SANBR: variants seen among roughly 807,000 people sequenced by gnomAD.
SANBR encodes SANT and BTB domain regulator of class switch recombination.
SANBR carries 77 observed loss-of-function variants against 101.8 expected under a neutral mutation model. The observed-to-expected ratio is 0.76, with a 90% CI of 0.63 to 0.91. SANBR has a LOEUF of 0.91. Among genes scored for constraint, SANBR ranks in the 40% least tolerant of loss-of-function variants. SANBR has a pLI of 0.00. For synonymous variants in SANBR, 279 were observed against 274.7 expected, an observed-to-expected ratio of 1.02 and a Z score of -0.15; for missense variants, 875 against 853.0, an observed-to-expected ratio of 1.03 and a Z score of -0.32.
chr2:61,092,390 A>G, intron 10 of SANBR, 74 bp from the exon 11 acceptor site: 3 of 1,171,790 alleles, frequency 2.6e-6, no homozygotes, highest in Non-Finnish European at 3.4e-6. Context: ...ATCTCAAAGA[A>G]GATAATAATT....
chr2:61,111,286 G>A (rs987149089), intron 16 of SANBR, among the ~76,000 whole-genome samples: 8 of 152,002 alleles, frequency 5.3e-5, no homozygotes, highest in African/African-American at 1.5e-4. Flanking sequence ...CCAGCTACTC[G>A]GGAGGCTGAG....
At chr2:61,101,740 T>C (rs1007355898) in intron 12 of SANBR, among the ~76,000 whole-genome samples, 5 of 144,504 alleles carry the variant, frequency 3.5e-5, no homozygotes, top group Admixed American at 6.9e-5. Flanking sequence ...AAAAAAAAAA[T>C]TGTATATATT....
At chr2:61,088,113 T>C in intron 8 of SANBR, 46 bp from the exon 9 acceptor site, 1 of 1,038,364 alleles carries the variant, frequency 9.6e-7, no homozygotes, top group Non-Finnish European at 1.5e-6. Context: ...TTCATCACTA[T>C]AAAGTAGTGT....
Position 61,073,457 on chromosome 2 carries a change from G to C in SANBR, c.338-1G>C, listed in dbSNP as rs770371750. ...TGTATGTGTTTGTTTCTGTATTTAAGGAAGACATAGTATAGCTTCCACAAG... is the reference window on the plus strand; with the variant it reads ...TGTATGTGTTTGTTTCTGTATTTAACGAAGACATAGTATAGCTTCCACAAG... On this transcript the variant is annotated splice_acceptor_variant, in intron 4 of 21. Transcript: ENST00000402291. LOFTEE classifies it high-confidence loss of function. 2 of 1,469,634 alleles carry C rather than the reference G, an allele frequency of 1.4e-6. No homozygotes were observed. Among genetic ancestry groups the C allele is most frequent in the Non-Finnish European group, 1.9e-6 (2 of 1,072,316 alleles). 91.0% of individuals were successfully genotyped at this position (1,469,634 alleles called of 1,614,324 possible). A position where few individuals can be genotyped will look rare whatever the true frequency, so the allele number is the denominator to read the frequency against.
intron 6 of SANBR, among the ~76,000 whole-genome samples, chr2:61,077,773 T>C (rs539304353): frequency 6.6e-6 from 1 of 152,348 alleles, no homozygotes; most frequent in East Asian, 1.9e-4. Context: ...CTTGTGCGAT[T>C]ATTTTCAGTC....
At chr2:61,096,039 G>A (rs1024046924) in intron 11 of SANBR, among the ~76,000 whole-genome samples, 2 of 152,024 alleles carry the variant, frequency 1.3e-5, no homozygotes, top group African/African-American at 4.8e-5. Flanking sequence ...GACATCTGGG[G>A]TCTTTCTCCA....
chr2:61,088,110 C>A, intron 8 of SANBR, 49 bp from the exon 9 acceptor site: 1 of 1,015,634 alleles, frequency 9.8e-7, no homozygotes. Context: ...ATTTTCATCA[C>A]TATAAAGTAG....
At position 61,083,207 on chromosome 2, in the gene SANBR, C is replaced by G. The variant is rs879318449; in HGVS notation, c.783C>G (p.Thr261=). 4.3e-6 allele frequency: 7 copies of G among 1,611,318 alleles called. No individual in the cohort carries two copies. Among genetic ancestry groups the G allele is most frequent in the Non-Finnish European group, 5.9e-6 (7 of 1,177,792 alleles). The part of the protein sequence containing the change: ...CHKNMNAIVA[T]PCNMNCINAN... ...AAAATATGAATGCCATAGTAGCTACCCCATGCAACATGAACTGTATTAATG... is the reference window on the plus strand; with the variant it reads ...AAAATATGAATGCCATAGTAGCTACGCCATGCAACATGAACTGTATTAATG... The change falls in exon 8 of 22, where the codon ACC becomes ACG. Residue 261 remains threonine, a synonymous_variant. Coordinates refer to ENST00000402291, the MANE Select transcript of SANBR (RefSeq NM_001129993.3).
intron 10 of SANBR, chr2:61,089,382 T>C (rs191160620): frequency 0.012 from 1,815 of 157,600 alleles, 13 homozygotes; most frequent in Non-Finnish European, 0.017. Flanking sequence ...GGTGGGTGCC[T>C]GTAGTCTCAG....
chr2:61,067,702 C>T (rs926550784), intron 1 of SANBR, among the ~76,000 whole-genome samples: 1 of 152,162 alleles, frequency 6.6e-6, no homozygotes, highest in African/African-American at 2.4e-5. Context: ...CGCCACTGCA[C>T]TCTGGCCTGA....
intron 10 of SANBR, among the ~76,000 whole-genome samples, chr2:61,091,021 G>C (rs920162944): frequency 6.7e-6 from 1 of 149,516 alleles, no homozygotes; most frequent in Non-Finnish European, 1.5e-5. Context: ...CAGTTCTTCT[G>C]CCTCAGACTC....
intron 12 of SANBR, among the ~76,000 whole-genome samples, chr2:61,103,264 G>C (rs981647206): frequency 6.6e-6 from 1 of 151,486 alleles, no homozygotes; most frequent in African/African-American, 2.4e-5. Flanking sequence ...AGCTTCCTGA[G>C]GTAGCTGGGA....
intron 21 of SANBR, among the ~76,000 whole-genome samples, chr2:61,136,698 G>A (rs538862380): frequency 1.3e-5 from 2 of 151,266 alleles, no homozygotes; most frequent in Non-Finnish European, 2.9e-5. Context: ...TAGGCTGGGC[G>A]TGGGGGCTCA....
intron 12 of SANBR, among the ~76,000 whole-genome samples, chr2:61,101,587 G>T (rs1026537523): frequency 6.6e-6 from 1 of 151,938 alleles, no homozygotes; most frequent in African/African-American, 2.4e-5. Context: ...CAAAAAATTA[G>T]CCGGGCTTGG....
chr2:61,112,377 C>A (rs1683871017), intron 16 of SANBR, among the ~76,000 whole-genome samples: 1 of 152,082 alleles, frequency 6.6e-6, no homozygotes, highest in East Asian at 1.9e-4. Context: ...TTTATTGGAT[C>A]ATTTGCCTTA....
At chr2:61,114,106 A>G (rs1171967881) in intron 16 of SANBR, among the ~76,000 whole-genome samples, 2 of 152,156 alleles carry the variant, frequency 1.3e-5, no homozygotes, top group Non-Finnish European at 2.9e-5. Context: ...CTTTTTATAT[A>G]TCACTGCAGG....
intron 4 of SANBR, among the ~76,000 whole-genome samples, chr2:61,072,995 A>G (rs545676271): frequency 6.6e-6 from 1 of 152,100 alleles, no homozygotes; most frequent in African/African-American, 2.4e-5. Context: ...CTGAGCCTAC[A>G]GCCACTCTTT....
chr2:61,088,129 A>G (rs2104891340), intron 8 of SANBR, 30 bp from the exon 9 acceptor site: 1 of 1,265,248 alleles, frequency 7.9e-7, no homozygotes, highest in East Asian at 2.3e-5. Context: ...AGTGTAGAAA[A>G]TTAATATTTT....
chr2:61,124,427 C>A, downstream of SANBR: 1 of 236,462 alleles, frequency 4.2e-6, no homozygotes, highest in Non-Finnish European at 6.9e-6. Context: ...AGGCCAGGCA[C>A]AGTGGCTTAC....
Sources: allele counts gnomAD v4.1 joint callset (sites outside exome capture counted in the v4.1 genomes callset), GRCh38; gene constraint gnomAD v4.1.1; transcripts MANE v1.5; gene names NCBI Gene and HGNC (gene_info 2026-07-23, HGNC 2026-07-21).